CCDC175: variants seen among roughly 807,000 people sequenced by gnomAD.
CCDC175 encodes the protein coiled-coil domain containing 175, also known as coiled-coil domain-containing protein 175.
Under a neutral mutation model 114.6 loss-of-function variants are expected in CCDC175, and 100 were observed. The ratio of observed to expected loss-of-function variants is 0.87; its 90% CI spans 0.74 to 1.03. CCDC175 has a LOEUF of 1.03. Among genes scored for constraint, CCDC175 ranks in the 50% least tolerant of loss-of-function variants. The pLI, the probability that CCDC175 is intolerant of heterozygous loss-of-function variation, is 0.00. For synonymous variants in CCDC175, 306 were observed against 308.7 expected, an observed-to-expected ratio of 0.99 and a Z score of 0.09; for missense variants, 880 against 917.8, an observed-to-expected ratio of 0.96 and a Z score of 0.53.
At chr14:59,555,414 C>T (rs1377690145) in intron 7 of CCDC175, among the ~76,000 whole-genome samples, 1 of 152,134 alleles carries the variant, frequency 6.6e-6, no homozygotes, top group Non-Finnish European at 1.5e-5. Flanking sequence ...AATTCAACAG[C>T]CCTCCAATGC....
chr14:59,543,926 C>A (rs77287707), intron 9 of CCDC175, among the ~76,000 whole-genome samples: 1 of 152,186 alleles, frequency 6.6e-6, no homozygotes, highest in Non-Finnish European at 1.5e-5. Flanking sequence ...TCTCTCCTAA[C>A]GTGCTTATCA....
chr14:59,573,783 T>C (rs1260420313), intron 2 of CCDC175, among the ~76,000 whole-genome samples: 1 of 152,092 alleles, frequency 6.6e-6, no homozygotes, highest in Admixed American at 6.5e-5. Context: ...AGGCTAATTT[T>C]TGTATTTTTA....
chr14:59,556,206 A>G (rs1396574369), intron 7 of CCDC175, among the ~76,000 whole-genome samples: 5 of 152,210 alleles, frequency 3.3e-5, no homozygotes, highest in Admixed American at 6.5e-5. Context: ...CCTGACTTCA[A>G]ACTATACTAC....
At position 59,561,099 on chromosome 14, in the gene CCDC175, A is replaced by G; in HGVS notation, c.953+20T>C. 7.9e-7 allele frequency: 1 copy of G among 1,267,370 alleles called. No homozygotes were observed. Among genetic ancestry groups the G allele is most frequent in the Middle Eastern group, 1.8e-4 (1 of 5,410 alleles). 78.5% of individuals were successfully genotyped at this position (1,267,370 alleles called of 1,614,324 possible). ...AACATATCTCGAAACATTTAAGTAA[A>G]AATAAAGCATTACACTTACAGTTTC... On this transcript the variant is annotated intron_variant, in intron 7 of 19. Transcript: ENST00000537690.
chr14:59,506,551 G>A (rs145950763), intron 19 of CCDC175, among the ~76,000 whole-genome samples: 1,942 of 152,174 alleles, frequency 0.013, 185 homozygotes, highest in Admixed American at 0.12. Flanking sequence ...GCCTCCCAAA[G>A]TACTGGGATT....
Position 59,521,534 on chromosome 14 carries a change from A to G in CCDC175, c.2098+40T>C, listed in dbSNP as rs1294062479. Reference sequence around the variant, plus strand: ...TATATCCTATTAGTTCTGTCCCGCTAAAGAACCCTGACTAATACAAGCACC... The same window carrying G: ...TATATCCTATTAGTTCTGTCCCGCTGAAGAACCCTGACTAATACAAGCACC... On this transcript the variant is annotated intron_variant, in intron 17 of 19. Coordinates refer to ENST00000537690, the MANE Select transcript of CCDC175 (RefSeq NM_001164399.2). The G allele has an allele frequency of 8.7e-6, 10 of 1,145,940 alleles. No individual in the cohort carries two copies. The Admixed American group carries it at 1.8e-4, about 21-fold the overall frequency. The allele number at this position is 1,145,940 out of a possible 1,614,324, so 71.0% of individuals were successfully genotyped here.
rs111476387 is a variant in CCDC175 at position 59,565,429 on chromosome 14, G to C, written c.492-154C>G. Among the ~76,000 whole-genome samples, 32 of 152,318 alleles carry C rather than the reference G, an allele frequency of 2.1e-4. 1 individual carries two copies. Among genetic ancestry groups the C allele is most frequent in the African/African-American group, 7.5e-4 (31 of 41,576 alleles). On this transcript the variant is annotated intron_variant, in intron 4 of 19. Transcript: ENST00000537690. Reference sequence around the variant, plus strand: ...TTGTCTAAACTTGGTTGAAGGCCAGGTGCAGTGGCTCATGCCTGTAATCCT... The same window carrying C: ...TTGTCTAAACTTGGTTGAAGGCCAGCTGCAGTGGCTCATGCCTGTAATCCT...
chr14:59,534,250 T>C (rs1042508942), intron 13 of CCDC175, among the ~76,000 whole-genome samples: 37 of 152,134 alleles, frequency 2.4e-4, no homozygotes, highest in Admixed American at 1.5e-3. Flanking sequence ...CCAGTCAGGT[T>C]CACACGGTCT....
intron 15 of CCDC175, among the ~76,000 whole-genome samples, chr14:59,526,220 AT>A (rs1893725670): frequency 6.6e-6 from 1 of 152,226 alleles, no homozygotes; most frequent in Non-Finnish European, 1.5e-5. Flanking sequence ...GAAGCATCTT[AT>A]TAAGAAAATG....
chr14:59,532,954 C>T (rs1894156435), intron 13 of CCDC175, among the ~76,000 whole-genome samples: 1 of 152,176 alleles, frequency 6.6e-6, no homozygotes, highest in Non-Finnish European at 1.5e-5. Flanking sequence ...TTTTGGTTTT[C>T]ATTTTTATCC....
At chr14:59,547,993 T>G (rs1320014783) in intron 8 of CCDC175, among the ~76,000 whole-genome samples, 2 of 152,206 alleles carry the variant, frequency 1.3e-5, no homozygotes, top group East Asian at 3.9e-4. Context: ...CAAAGAGATA[T>G]CTGTACTTCT....
chr14:59,551,237 T>C (rs1895457343), intron 8 of CCDC175, 118 bp downstream of exon 8: 3 of 551,038 alleles, frequency 5.4e-6, no homozygotes, highest in Non-Finnish European at 9.1e-6. Context: ...CAAACAACCA[T>C]ATTATTGGTC....
rs1304939743 is a variant in CCDC175 at position 59,545,087 on chromosome 14, G to T, written c.1172+76C>A. On this transcript the variant is annotated intron_variant, in intron 9 of 19. Transcript: ENST00000537690. Reference sequence around the variant, plus strand: ...TAAAACTAGGATAAGTTTAAGTGGAGAGCCACCACTTTGATAGCAAGAAAA... The same window carrying T: ...TAAAACTAGGATAAGTTTAAGTGGATAGCCACCACTTTGATAGCAAGAAAA... 16 of 1,339,526 alleles carry T rather than the reference G, an allele frequency of 1.2e-5. No individual in the cohort carries two copies. In the East Asian group the frequency reaches 4.1e-4, roughly 34 times the overall value. The allele number at this position is 1,339,526 out of a possible 1,614,324, so 83.0% of individuals were successfully genotyped here. A position where few individuals can be genotyped will look rare whatever the true frequency, so the allele number is the denominator to read the frequency against.
intron 16 of CCDC175, among the ~76,000 whole-genome samples, chr14:59,524,529 G>C (rs1893626495): frequency 6.6e-6 from 1 of 152,146 alleles, no homozygotes; most frequent in African/African-American, 2.4e-5. Context: ...AATTAGTGGG[G>C]CACCACTACA....
intron 14 of CCDC175, among the ~76,000 whole-genome samples, chr14:59,530,362 A>G (rs1024295743): frequency 2.0e-5 from 3 of 151,322 alleles, no homozygotes; most frequent in Non-Finnish European, 2.9e-5. Context: ...GTGAGACTCC[A>G]TCTCAAAAAA....
rs1175695322 is a variant in CCDC175 at position 59,568,412 on chromosome 14, T to G, written c.356-32A>C. 3 of 1,466,276 alleles carry G rather than the reference T, an allele frequency of 2.0e-6. No individual in the cohort carries two copies. The African/African-American group carries it at 4.3e-5, about 21-fold the overall frequency. 90.8% of individuals were successfully genotyped at this position (1,466,276 alleles called of 1,614,324 possible). A position where few individuals can be genotyped will look rare whatever the true frequency, so the allele number is the denominator to read the frequency against. ...AGTAAGTGGAAATATTACTACATTATTTGAGGAAAAGCACAACTGTAGATA... is the reference window on the plus strand; with the variant it reads ...AGTAAGTGGAAATATTACTACATTAGTTGAGGAAAAGCACAACTGTAGATA... On this transcript the variant is annotated intron_variant, in intron 3 of 19. Coordinates refer to ENST00000537690, the MANE Select transcript of CCDC175 (RefSeq NM_001164399.2).
chr14:59,505,502 C>T, intron 19 of CCDC175, 187 bp from the exon 20 acceptor site: 1 of 357,448 alleles, frequency 2.8e-6, no homozygotes, highest in Admixed American at 4.5e-5. Flanking sequence ...CCACTTGGGG[C>T]CATTTTTACA....
chr14:59,538,562 A>G, intron 12 of CCDC175, 143 bp downstream of exon 12: 1 of 711,118 alleles, frequency 1.4e-6, no homozygotes, highest in Non-Finnish European at 2.2e-6. Flanking sequence ...ACATTTCCTA[A>G]GAAAATCAAA....
Position 59,505,195 on chromosome 14 carries a change from T to C in CCDC175, c.*44A>G. 1 of 1,035,296 alleles carries C rather than the reference T, an allele frequency of 9.7e-7. No individual in the cohort carries two copies. Among genetic ancestry groups the C allele is most frequent in the Non-Finnish European group, 1.4e-6 (1 of 731,126 alleles). The allele number at this position is 1,035,296 out of a possible 1,614,324, so 64.1% of individuals were successfully genotyped here. Reference sequence around the variant, plus strand: ...TGAAAGTAAGTGCACTCACTTTTCCTGTAGTAGTCTGTCTTTTGAATTCAC... The same window carrying C: ...TGAAAGTAAGTGCACTCACTTTTCCCGTAGTAGTCTGTCTTTTGAATTCAC... On this transcript the variant is annotated 3_prime_UTR_variant, in exon 20 of 20. Coordinates refer to ENST00000537690, the MANE Select transcript of CCDC175 (RefSeq NM_001164399.2).
Sources: allele counts gnomAD v4.1 joint callset (sites outside exome capture counted in the v4.1 genomes callset), GRCh38; gene constraint gnomAD v4.1.1; transcripts MANE v1.5; gene names NCBI Gene and HGNC (gene_info 2026-07-23, HGNC 2026-07-21).